CSMD1: variants seen among roughly 807,000 people sequenced by gnomAD.
CSMD1 encodes CUB and sushi domain-containing protein 1.
CSMD1 carries 213 observed loss-of-function variants against 417.5 expected under a neutral mutation model. The ratio of observed to expected loss-of-function variants is 0.51; its 90% CI spans 0.46 to 0.57. The LOEUF (loss-of-function observed/expected upper bound fraction) is 0.57. CSMD1 is among the 20% of genes least tolerant of loss of function. The pLI, the probability that CSMD1 is intolerant of heterozygous loss-of-function variation, is 0.00. For missense variants in CSMD1, 6,923 were observed against 4,529.7 expected (o/e 1.53, Z -15.17); for synonymous variants, 2,862 against 1,736.8 (o/e 1.65, Z -16.11).
chr8:4,358,044 C>T (rs1222660422), intron 3 of CSMD1, among the ~76,000 whole-genome samples: 1 of 152,174 alleles, frequency 6.6e-6, no homozygotes, highest in African/African-American at 2.4e-5. Flanking sequence ...ACAGTAGCTG[C>T]TGCTGATTTA....
At chr8:3,081,383 G>T (rs148422439) in intron 49 of CSMD1, among the ~76,000 whole-genome samples, 1 of 152,154 alleles carries the variant, frequency 6.6e-6, no homozygotes, top group African/African-American at 2.4e-5. Context: ...ACTCAAGGAT[G>T]AATGTAATAT....
chr8:4,011,648 T>C (rs1181906966), intron 4 of CSMD1, among the ~76,000 whole-genome samples: 1 of 152,182 alleles, frequency 6.6e-6, no homozygotes, highest in African/African-American at 2.4e-5. Flanking sequence ...TGAATTCTTT[T>C]CATTCCTACA....
At chr8:4,785,407 G>A (rs1797353003) in intron 1 of CSMD1, among the ~76,000 whole-genome samples, 3 of 152,084 alleles carry the variant, frequency 2.0e-5, no homozygotes, top group Admixed American at 2.0e-4. Context: ...AATCTCTTAG[G>A]TACCAAAATG....
intron 3 of CSMD1, among the ~76,000 whole-genome samples, chr8:4,062,592 T>A (rs1212395361): frequency 6.6e-6 from 1 of 152,148 alleles, no homozygotes; most frequent in Admixed American, 6.6e-5. Context: ...CAGTGATACG[T>A]CCCAGATCTG....
chr8:3,337,574 A>T (rs1401367507), intron 23 of CSMD1, among the ~76,000 whole-genome samples: 1 of 152,182 alleles, frequency 6.6e-6, no homozygotes, highest in Non-Finnish European at 1.5e-5. Context: ...CATCAATGCT[A>T]TGTCTAATGC....
intron 3 of CSMD1, among the ~76,000 whole-genome samples, chr8:4,333,824 T>C (rs902280238): frequency 3.3e-5 from 5 of 152,180 alleles, no homozygotes; most frequent in African/African-American, 9.6e-5. Flanking sequence ...ATATTCTCTA[T>C]GCTTCTCATT....
At chr8:4,802,349 G>A (rs572026396) in intron 1 of CSMD1, among the ~76,000 whole-genome samples, 11 of 136,476 alleles carry the variant, frequency 8.1e-5, no homozygotes, top group Non-Finnish European at 1.4e-4. Context: ...GAGTGTGTGC[G>A]CGCGTGTGTG....
intron 12 of CSMD1, among the ~76,000 whole-genome samples, chr8:3,464,349 C>T (rs1264491976): frequency 6.6e-6 from 1 of 152,154 alleles, no homozygotes; most frequent in African/African-American, 2.4e-5. Flanking sequence ...TTCTTGTTAA[C>T]TTCCTCATGG....
At chr8:4,401,959 A>G (rs75736112) in intron 3 of CSMD1, among the ~76,000 whole-genome samples, 3,941 of 152,064 alleles carry the variant, frequency 0.026, 152 homozygotes, top group African/African-American at 0.091. Flanking sequence ...CATTTGATAC[A>G]CTGGCTCCTT....
intron 2 of CSMD1, among the ~76,000 whole-genome samples, chr8:4,458,919 A>C (rs1799646343): frequency 6.6e-6 from 1 of 152,160 alleles, no homozygotes; most frequent in African/African-American, 2.4e-5. Context: ...AAAAATATTT[A>C]AGTTTCTGGA....
At chr8:4,681,630 T>C (rs976805126) in intron 1 of CSMD1, among the ~76,000 whole-genome samples, 2 of 152,216 alleles carry the variant, frequency 1.3e-5, no homozygotes, top group Non-Finnish European at 2.9e-5. Flanking sequence ...GGCTTCACTA[T>C]GTGCTTGGTT....
intron 5 of CSMD1, among the ~76,000 whole-genome samples, chr8:3,979,260 T>G (rs1442024878): frequency 6.6e-6 from 1 of 152,208 alleles, no homozygotes; most frequent in African/African-American, 2.4e-5. Context: ...CTTTTTGTTT[T>G]GGGAGCGGAT....
chr8:3,971,626 C>T (rs1051424298), intron 5 of CSMD1, among the ~76,000 whole-genome samples: 9 of 152,036 alleles, frequency 5.9e-5, no homozygotes, highest in African/African-American at 2.2e-4. Flanking sequence ...CTTCTATTTC[C>T]TCAAGGGAGT....
In CSMD1 at chr8:2,974,560, A is replaced by G; in HGVS notation, c.8631T>C (p.Tyr2877=). ...TGCAGGAGTAGTGCACGACGGCGCCATAGGTAAACAGCTCTCCAGTGAGGA... is the reference window on the plus strand; with the variant it reads ...TGCAGGAGTAGTGCACGACGGCGCCGTAGGTAAACAGCTCTCCAGTGAGGA... ...NAVLTGELFT[Y]GAVVHYSCRG... is the part of the protein sequence containing the mutation. Residue 2877 remains tyrosine, a synonymous_variant, in exon 56 of 70, where the codon TAT becomes TAC. Transcript: ENST00000635120. The G allele has an allele frequency of 6.2e-7, 1 of 1,613,174 alleles. No individual in the cohort carries two copies. The highest frequency in any genetic ancestry group is 8.5e-7 in the Non-Finnish European group (1 of 1,179,544).
chr8:4,089,964 C>T (rs1408539280), intron 3 of CSMD1, among the ~76,000 whole-genome samples: 1 of 152,130 alleles, frequency 6.6e-6, no homozygotes, highest in Non-Finnish European at 1.5e-5. Flanking sequence ...TGCTGACTTT[C>T]AGATAGAATG....
intron 1 of CSMD1, among the ~76,000 whole-genome samples, chr8:4,711,766 T>C (rs1584981340): frequency 1.3e-5 from 2 of 152,184 alleles, no homozygotes; most frequent in African/African-American, 4.8e-5. Context: ...AGTTTTTGTT[T>C]GCTTTTGTTT....
chr8:4,105,789 T>A (rs540676381), intron 3 of CSMD1, among the ~76,000 whole-genome samples: 6 of 152,308 alleles, frequency 3.9e-5, no homozygotes, highest in African/African-American at 1.4e-4. Flanking sequence ...TCTACAGCGT[T>A]GAAAAGTGTC....
chr8:3,728,048 T>A (rs1802595501), intron 6 of CSMD1, among the ~76,000 whole-genome samples: 1 of 152,122 alleles, frequency 6.6e-6, no homozygotes, highest in Admixed American at 6.5e-5. Context: ...GAATTGTACA[T>A]TTGAAAGGGT....
intron 3 of CSMD1, among the ~76,000 whole-genome samples, chr8:4,245,862 C>G (rs1004197062): frequency 2.6e-4 from 40 of 152,228 alleles, no homozygotes; most frequent in African/African-American, 8.4e-4. Context: ...AATCTTTGAA[C>G]ATAGGACATC....
Sources: gnomAD v4.1 joint callset for allele counts (sites outside exome capture counted in the v4.1 genomes callset) on GRCh38, gnomAD v4.1.1 for gene constraint, MANE v1.5 for transcripts, NCBI Gene and HGNC (gene_info 2026-07-23, HGNC 2026-07-21) for gene names.